The following STON2 variants were observed in gnomAD, a reference collection of about 807,000 sequenced individuals.
STON2 encodes the protein stonin 2, also known as stonin-2.
A neutral mutation model predicts 65.7 loss-of-function variants in STON2; 29 were observed. That is an observed-to-expected ratio of 0.44 (90% CI 0.33 to 0.60). The LOEUF is 0.60. STON2 is among the 20% of genes least tolerant of loss of function. The pLI, the probability that STON2 is intolerant of heterozygous loss-of-function variation, is 0.03. For synonymous variants in STON2, 404 were observed against 414.2 expected (o/e 0.98, Z 0.30); for missense variants, 1,054 against 1,118.1 (o/e 0.94, Z 0.82).
chr14:81,374,160 G>A (rs987267325), intron 3 of STON2, among the ~76,000 whole-genome samples: 2 of 151,034 alleles, frequency 1.3e-5, no homozygotes, highest in African/African-American at 4.9e-5. Context: ...GCAGGCTCCC[G>A]CCACCATGCC....
At chr14:81,434,613 G>A (rs1273896025) in intron 1 of STON2, among the ~76,000 whole-genome samples, 3 of 152,132 alleles carry the variant, frequency 2.0e-5, no homozygotes, top group Non-Finnish European at 4.4e-5. Flanking sequence ...TTGGGGGATA[G>A]GGGGTAGTAT....
intron 1 of STON2, among the ~76,000 whole-genome samples, chr14:81,435,089 C>T (rs1902364957): frequency 6.6e-6 from 1 of 152,114 alleles, no homozygotes; most frequent in Admixed American, 6.5e-5. Flanking sequence ...AACAAAGTAC[C>T]ATGATATTAT....
chr14:81,270,032 C>T, intron 7 of STON2: 2 of 983,984 alleles, frequency 2.0e-6, no homozygotes, highest in Non-Finnish European at 2.4e-6. Context: ...TCCAAGCTCA[C>T]TACTCTGTGA....
In STON2 at chr14:81,395,929, C is replaced by G. The variant is rs1566941986; in HGVS notation, c.338G>C (p.Ser113Thr). The G allele has an allele frequency of 6.2e-7, 1 of 1,614,154 alleles. No individual in the cohort carries two copies. The highest frequency in any genetic ancestry group is 8.5e-7 in the Non-Finnish European group (1 of 1,180,016). ...TGTTTCCTGATGAGGTGGAGATGTG[C>G]TGGCCCAGGGTGTGTCATCTTCAAA... is the stretch of plus-strand genomic sequence containing the variant. ...VQFEDDTPWA[S>T]TSPPHQETAE... The change falls in exon 3 of 8, where the codon AGC becomes ACC. Residue 113 changes from serine (S) to threonine (T), a missense_variant. By Grantham distance (58) the Ser-to-Thr change is moderately conservative. Coordinates refer to ENST00000614646, the MANE Select transcript of STON2 (RefSeq NM_001394390.1).
At chr14:81,274,859 C>T (rs1465614012) in intron 6 of STON2, among the ~76,000 whole-genome samples, 4 of 151,874 alleles carry the variant, frequency 2.6e-5, no homozygotes, top group African/African-American at 4.8e-5. Flanking sequence ...GAGCCAAGAT[C>T]GCACCACTGC....
At chr14:81,399,728 CTA>C (rs1435413998) in intron 1 of STON2, among the ~76,000 whole-genome samples, 2 of 152,142 alleles carry the variant, frequency 1.3e-5, no homozygotes, top group Admixed American at 1.3e-4. Context: ...TCATAGTACT[CTA>C]ATTCTTCTAT....
At position 81,276,975 on chromosome 14, in the gene STON2, A is replaced by G. The variant is rs1894850292; in HGVS notation, c.2507T>C (p.Leu836Pro). Residue 836 changes from leucine to proline, a missense_variant, in exon 6 of 8, where the codon CTG becomes CCG. Transcript: ENST00000614646. The stretch of plus-strand genomic sequence containing the variant: ...GGCATGCTCGTACTTGGCAGTTCCC[A>G]GAGTTACTCTCATGACAGGCTCAGA... ...SGSEPVMRVT[L>P]GTAKYEHAFN... 6.2e-7 allele frequency: 1 copy of G among 1,614,230 alleles called. No individual in the cohort carries two copies. The highest frequency in any genetic ancestry group is 8.5e-7 in the Non-Finnish European group (1 of 1,180,036).
At chr14:81,435,820 G>A (rs1056129006) in intron 1 of STON2, among the ~76,000 whole-genome samples, 3 of 152,188 alleles carry the variant, frequency 2.0e-5, no homozygotes, top group South Asian at 2.1e-4. Context: ...CGTCCAGGCC[G>A]CCTCTGGGCG....
chr14:81,325,987 T>A (rs534728656), intron 4 of STON2, among the ~76,000 whole-genome samples: 42 of 151,972 alleles, frequency 2.8e-4, no homozygotes, highest in African/African-American at 9.9e-4. Flanking sequence ...TCCAGCTCTC[T>A]CACCCCAATG....
intron 5 of STON2, among the ~76,000 whole-genome samples, chr14:81,311,093 A>G (rs890026207): frequency 1.3e-5 from 2 of 152,148 alleles, no homozygotes; most frequent in African/African-American, 2.4e-5. Flanking sequence ...GAAGACGGGA[A>G]AGTAAGCCTG....
rs139458260 is a variant in STON2, at chr14:81,393,491, C to T, written c.373+2403G>A. Among the ~76,000 whole-genome samples the T allele has an allele frequency of 3.9e-4, 60 of 152,282 alleles. 1 individual carries two copies. The highest frequency in any genetic ancestry group is 2.1e-3 in the East Asian group (11 of 5,178). ...CGAAGGCTGCTCCAAGACCTTGGGG[C>T]CGGTCAGCCTGGTGCGGAAGCTCTC... On this transcript the variant is annotated intron_variant, in intron 3 of 7. Transcript: ENST00000614646.
Position 81,267,149 on chromosome 14 carries a change from G to A in STON2, c.*1265C>T, listed in dbSNP as rs1894387946. 1 of 985,164 alleles carries A rather than the reference G, an allele frequency of 1.0e-6. No homozygotes were observed. Among genetic ancestry groups the A allele is most frequent in the Non-Finnish European group, 1.2e-6 (1 of 829,898 alleles). 61.0% of individuals were successfully genotyped at this position (985,164 alleles called of 1,614,324 possible). On this transcript the variant is annotated 3_prime_UTR_variant, in exon 8 of 8. Transcript: ENST00000614646. ...TATTCTTCATGGGAGAAAACACTAA[G>A]ATACAAATAAGAAGCAGAGGTGAGT...
Position 81,265,047 on chromosome 14 carries a change from A to T in STON2, c.*3367T>A, listed in dbSNP as rs991700591. The T allele has an allele frequency of 6.1e-6, 6 of 980,874 alleles. No individual in the cohort carries two copies. The highest frequency in any genetic ancestry group is 7.3e-6 in the Non-Finnish European group (6 of 825,922). 60.8% of individuals were successfully genotyped at this position (980,874 alleles called of 1,614,324 possible). ...ATGAATTCATTTTTAATATTTTCACATTATTGATAACAAAGATTATTTGTG... is the reference window on the plus strand; with the variant it reads ...ATGAATTCATTTTTAATATTTTCACTTTATTGATAACAAAGATTATTTGTG... On this transcript the variant is annotated 3_prime_UTR_variant, in exon 8 of 8. Transcript: ENST00000614646.
At chr14:81,422,692 G>C (rs778027458) in intron 2 of STON2, among the ~76,000 whole-genome samples, 1 of 152,182 alleles carries the variant, frequency 6.6e-6, no homozygotes, top group African/African-American at 2.4e-5. Flanking sequence ...TCTTTCTGCA[G>C]CATGGGCTTC....
In STON2 at chr14:81,335,801, C is replaced by CA. The variant is rs535227928; in HGVS notation, c.572-11615dup. On this transcript the variant is annotated intron_variant, in intron 4 of 7. Transcript: ENST00000614646. ...ACCAAAATGAGTGAAAGTACGACCA[C>CA]AAAAAAAAATTATTTTGTTGAGTAG... 1.1e-3 allele frequency among the ~76,000 whole-genome samples: 173 copies of CA among 150,814 alleles called. 2 individuals carry two copies. Among genetic ancestry groups the CA allele is most frequent in the South Asian group, 1.9e-3 (9 of 4,768 alleles).
intron 1 of STON2, among the ~76,000 whole-genome samples, chr14:81,399,925 G>GC (rs748224990): frequency 6.6e-6 from 1 of 152,106 alleles, no homozygotes; most frequent in Non-Finnish European, 1.5e-5. Context: ...GCCATAACAA[G>GC]CAGGTGTGTT....
chr14:81,292,076 T>C (rs1203203818), intron 5 of STON2, among the ~76,000 whole-genome samples: 1 of 152,234 alleles, frequency 6.6e-6, no homozygotes, highest in Non-Finnish European at 1.5e-5. Context: ...AGCTCCCTGG[T>C]GACAATGGTA....
intron 5 of STON2, among the ~76,000 whole-genome samples, chr14:81,308,267 G>A (rs199510853): frequency 1.3e-5 from 2 of 151,994 alleles, no homozygotes; most frequent in South Asian, 2.1e-4. Flanking sequence ...GTGCAGACGC[G>A]ATCTCAGTTC....
chr14:81,376,021 G>C (rs1899235836), intron 3 of STON2, among the ~76,000 whole-genome samples: 1 of 151,380 alleles, frequency 6.6e-6, no homozygotes, highest in Non-Finnish European at 1.5e-5. Flanking sequence ...TTTGAATCAA[G>C]CAATAATGAA....
Sources: gnomAD v4.1 joint callset for allele counts (sites outside exome capture counted in the v4.1 genomes callset) on GRCh38, gnomAD v4.1.1 for gene constraint, MANE v1.5 for transcripts, NCBI Gene and HGNC (gene_info 2026-07-23, HGNC 2026-07-21) for gene names.